Variants in GRID2 observed in about 807,000 individuals in gnomAD.
GRID2 encodes glutamate ionotropic receptor delta type subunit 2.
In GRID2, 33 loss-of-function variants were observed where a neutral mutation model predicts 114.8. That is an observed-to-expected ratio of 0.29 (90% CI 0.22 to 0.38). The LOEUF (loss-of-function observed/expected upper bound fraction) is 0.38. GRID2 is among the 10% of genes least tolerant of loss of function. The pLI is 1.00. For synonymous variants in GRID2, 505 were observed against 449.9 expected, an observed-to-expected ratio of 1.12 and a Z score of -1.55; for missense variants, 1,184 against 1,257.7, an observed-to-expected ratio of 0.94 and a Z score of 0.89.
chr4:92,934,417 A>C (rs1750480691), intron 2 of GRID2, among the ~76,000 whole-genome samples: 1 of 149,358 alleles, frequency 6.7e-6, no homozygotes, highest in Admixed American at 7.0e-5. Context: ...TATCAGCTTA[A>C]GGAGATTTTG....
chr4:92,818,710 G>A lies in GRID2; in HGVS notation c.244+228424G>A, dbSNP rs1271786673. On this transcript the variant is annotated intron_variant, in intron 2 of 15. Coordinates refer to ENST00000282020, the MANE Select transcript of GRID2 (RefSeq NM_001510.4). ...CTCACCCAGAGCAGCCCCTCTGGAA[G>A]TGCTCTTTCATACTTCATGTCTCTT... Among the ~76,000 whole-genome samples the A allele has an allele frequency of 2.0e-5, 3 of 152,130 alleles. No homozygotes were observed. In the East Asian group the frequency reaches 5.8e-4, roughly 29 times the overall value.
In GRID2 at chr4:93,803,445, C is replaced by T. The variant is rs553015129; in HGVS notation, c.222-3270C>T. On this transcript the variant is annotated intron_variant, in intron 1 of 1. Coordinates refer to the GRID2 transcript ENST00000637838. ...CCTTCAAAACCACACCTTTTTTGGC[C>T]GGGTGCGGTGGCTCGCACCTGTAAT... Among the ~76,000 whole-genome samples, 14 of 152,112 alleles carry T rather than the reference C, an allele frequency of 9.2e-5. No individual in the cohort carries two copies. The East Asian group carries it at 1.2e-3, about 13-fold the overall frequency.
intron 13 of GRID2, among the ~76,000 whole-genome samples, chr4:93,592,867 C>G (rs183695429): frequency 0.016 from 2,500 of 152,132 alleles, 83 homozygotes; most frequent in African/African-American, 0.057. Flanking sequence ...TCATCAGAGA[C>G]TAGGATTGCA....
intron 2 of GRID2, among the ~76,000 whole-genome samples, chr4:92,621,660 T>TA (rs375759004): frequency 4.0e-5 from 6 of 151,696 alleles, no homozygotes; most frequent in African/African-American, 1.2e-4. Context: ...CATCATCTCT[T>TA]AAAAAAATCC....
At chr4:92,686,780 C>T (rs1463755209) in intron 2 of GRID2, among the ~76,000 whole-genome samples, 7 of 151,836 alleles carry the variant, frequency 4.6e-5, no homozygotes, top group Non-Finnish European at 1.0e-4. Context: ...CTAAGGGATA[C>T]TAATTGTGAT....
chr4:93,618,729 C>CCTTCCCTG (rs769398633), intron 13 of GRID2, among the ~76,000 whole-genome samples: 2 of 152,186 alleles, frequency 1.3e-5, no homozygotes, highest in Non-Finnish European at 2.9e-5. Flanking sequence ...TTCTTCCTTG[C>CCTTCCCTG]CTTCCCTGCA....
intron 13 of GRID2, among the ~76,000 whole-genome samples, chr4:93,557,991 G>T (rs1051535400): frequency 2.6e-5 from 4 of 152,084 alleles, no homozygotes; most frequent in Non-Finnish European, 5.9e-5. Flanking sequence ...AATAACTACT[G>T]GGTAAATAAT....
intron 10 of GRID2, among the ~76,000 whole-genome samples, chr4:93,453,517 T>C (rs1019132512): frequency 6.6e-6 from 1 of 152,178 alleles, no homozygotes; most frequent in African/African-American, 2.4e-5. Flanking sequence ...TTGTTAAATT[T>C]AATAAATAGT....
intron 1 of GRID2, among the ~76,000 whole-genome samples, chr4:93,795,225 A>T (rs532476682): frequency 1.3e-5 from 2 of 152,212 alleles, no homozygotes; most frequent in South Asian, 4.2e-4. Flanking sequence ...TAGTGTGACT[A>T]TAACAGGTAG....
At chr4:92,930,799 T>C (rs1315467857) in intron 2 of GRID2, among the ~76,000 whole-genome samples, 1 of 151,054 alleles carries the variant, frequency 6.6e-6, no homozygotes, top group Non-Finnish European at 1.5e-5. Flanking sequence ...TGAAATAAAA[T>C]TTAACTTAGC....
intron 2 of GRID2, among the ~76,000 whole-genome samples, chr4:93,020,227 C>A (rs1723149756): frequency 6.6e-6 from 1 of 152,144 alleles, no homozygotes; most frequent in Non-Finnish European, 1.5e-5. Flanking sequence ...AGTATCATGT[C>A]TTCATGAAAA....
intron 1 of GRID2, among the ~76,000 whole-genome samples, chr4:92,580,668 A>G (rs1020408276): frequency 3.3e-5 from 5 of 151,934 alleles, no homozygotes; most frequent in Non-Finnish European, 7.4e-5. Context: ...TCACATTCAC[A>G]TTATGGTTTC....
intron 2 of GRID2, among the ~76,000 whole-genome samples, chr4:92,652,159 T>C (rs1731965894): frequency 6.6e-6 from 1 of 152,010 alleles, no homozygotes. Context: ...ACAAGATGGA[T>C]TTTCCCCTGC....
chr4:93,571,347 T>C (rs1302889702), intron 13 of GRID2, among the ~76,000 whole-genome samples: 1 of 152,138 alleles, frequency 6.6e-6, no homozygotes, highest in Non-Finnish European at 1.5e-5. Flanking sequence ...ATGCATATAA[T>C]GTATATAGTA....
chr4:92,511,985 C>T (rs972972772), intron 1 of GRID2, among the ~76,000 whole-genome samples: 2 of 151,762 alleles, frequency 1.3e-5, no homozygotes, highest in African/African-American at 4.8e-5. Flanking sequence ...ATCCCCTCAA[C>T]TCCTGACATT....
At chr4:93,434,829 T>C (rs1418504655) in intron 10 of GRID2, among the ~76,000 whole-genome samples, 1 of 152,156 alleles carries the variant, frequency 6.6e-6, no homozygotes, top group African/African-American at 2.4e-5. Flanking sequence ...CCCTTTGTGA[T>C]CTCTTTATCT....
chr4:93,014,689 G>A (rs562860268), intron 2 of GRID2, among the ~76,000 whole-genome samples: 1 of 152,270 alleles, frequency 6.6e-6, no homozygotes, highest in Non-Finnish European at 1.5e-5. Context: ...ATGGTCAAAT[G>A]TAATTGTGAA....
At chr4:92,432,381 C>T (rs1449886336) in intron 1 of GRID2, among the ~76,000 whole-genome samples, 1 of 152,060 alleles carries the variant, frequency 6.6e-6, no homozygotes, top group East Asian at 1.9e-4. Context: ...CGTTTGGGGA[C>T]CAAGGCCTGA....
intron 1 of GRID2, among the ~76,000 whole-genome samples, chr4:92,330,504 A>G (rs1726827739): frequency 6.6e-6 from 1 of 152,142 alleles, no homozygotes; most frequent in Non-Finnish European, 1.5e-5. Flanking sequence ...GGCAATATTT[A>G]TAAATAGAGT....
Sources: gnomAD v4.1 joint callset for allele counts (sites outside exome capture counted in the v4.1 genomes callset) on GRCh38, gnomAD v4.1.1 for gene constraint, MANE v1.5 for transcripts, NCBI Gene and HGNC (gene_info 2026-07-23, HGNC 2026-07-21) for gene names.